The following USP32 variants were observed in gnomAD, a reference collection of about 807,000 sequenced individuals.
USP32 encodes ubiquitin carboxyl-terminal hydrolase 32.
A neutral mutation model predicts 204.8 loss-of-function variants in USP32; 59 were observed. The ratio of observed to expected loss-of-function variants is 0.29; its 90% CI spans 0.23 to 0.36. The LOEUF is 0.36. Among genes scored for constraint, USP32 ranks in the 10% least tolerant of loss-of-function variants. The pLI is 1.00. For missense variants in USP32, 1,160 were observed against 1,946.4 expected (o/e 0.60, Z 7.60); for synonymous variants, 517 against 678.4 (o/e 0.76, Z 3.70).
chr17:60,239,995 A>AT (rs1473491880), intron 11 of USP32, among the ~76,000 whole-genome samples: 2 of 152,198 alleles, frequency 1.3e-5, no homozygotes, highest in Non-Finnish European at 2.9e-5. Flanking sequence ...TTGGCCTCCC[A>AT]AAGTGCTGGG....
intron 22 of USP32, 59 bp from the exon 23 acceptor site, chr17:60,208,887 T>C: frequency 1.4e-6 from 2 of 1,474,980 alleles, no homozygotes; most frequent in Admixed American, 4.9e-5. Context: ...CATTTCTATA[T>C]AAATTCAAAG....
intron 1 of USP32, among the ~76,000 whole-genome samples, chr17:60,391,340 A>C (rs1272325409): frequency 6.6e-6 from 1 of 152,206 alleles, no homozygotes; most frequent in Admixed American, 6.5e-5. Context: ...GGGTGGCAGA[A>C]GCGGATGGCC....
chr17:60,255,773 T>G (rs182004835), intron 9 of USP32, among the ~76,000 whole-genome samples: 1 of 152,152 alleles, frequency 6.6e-6, no homozygotes, highest in Non-Finnish European at 1.5e-5. Context: ...GTTGGTAAAA[T>G]TCACTAAATA....
chr17:60,420,068 T>A (rs910076096), intron 1 of USP32, among the ~76,000 whole-genome samples: 13 of 139,566 alleles, frequency 9.3e-5, no homozygotes, highest in East Asian at 2.0e-4. Context: ...TTATTTATTT[T>A]GTTTATTTTA....
At chr17:60,340,677 T>C (rs2088635697) in intron 2 of USP32, among the ~76,000 whole-genome samples, 1 of 152,196 alleles carries the variant, frequency 6.6e-6, no homozygotes, top group South Asian at 2.1e-4. Flanking sequence ...ACATTTAAGG[T>C]TAATATTGTT....
chr17:60,326,914 T>A (rs899177404), intron 2 of USP32, among the ~76,000 whole-genome samples: 1 of 152,142 alleles, frequency 6.6e-6, no homozygotes, highest in South Asian at 2.1e-4. Flanking sequence ...CTTACGTAGA[T>A]GCTAAAAAAG....
intron 1 of USP32, 125 bp downstream of exon 1, chr17:60,391,757 C>A (rs1484427896): frequency 1.9e-6 from 2 of 1,080,422 alleles, no homozygotes; most frequent in East Asian, 2.8e-5. Flanking sequence ...CCAAGGCCGG[C>A]CGCCTTTCCC....
chr17:60,245,335 G>T, intron 11 of USP32: 1 of 365,054 alleles, frequency 2.7e-6, no homozygotes, highest in Non-Finnish European at 5.4e-6. Flanking sequence ...GACTCTGATG[G>T]CCAGCTGGGC....
rs1192801997 is a variant in USP32, at chr17:60,183,190, G to A, written c.4098C>T (p.Ser1366=). ...VLLSKSPSSL[S]ANIISSPKGS... is the part of the protein sequence containing the mutation. The stretch of plus-strand genomic sequence containing the variant: ...CTTTCGGGCTGCTGATGATGTTAGC[G>A]CTGAGTGAGGATGGGCTTTTGCTCA... The change falls in exon 31 of 34, where the codon AGC becomes AGT. Residue 1366 remains serine, a synonymous_variant. Transcript: ENST00000300896. The A allele has an allele frequency of 6.2e-6, 10 of 1,613,744 alleles. No homozygotes were observed. The highest frequency in any genetic ancestry group is 2.2e-5 in the East Asian group (1 of 44,886).
intron 15 of USP32, among the ~76,000 whole-genome samples, chr17:60,220,062 C>T (rs1439325426): frequency 1.3e-5 from 2 of 151,530 alleles, no homozygotes; most frequent in Admixed American, 6.6e-5. Context: ...AAAAAAAAAC[C>T]CTAAGTATTA....
At chr17:60,396,171 G>A (rs1200793300), upstream of USP32, among the ~76,000 whole-genome samples, 6 of 141,806 alleles carry the variant, frequency 4.2e-5, no homozygotes, top group Non-Finnish European at 6.0e-5. Flanking sequence ...TTTACCTGCC[G>A]GACTCAAGCA....
intron 16 of USP32, among the ~76,000 whole-genome samples, chr17:60,215,689 T>TA (rs952981729): frequency 2.7e-5 from 4 of 150,792 alleles, no homozygotes; most frequent in Admixed American, 6.6e-5. Flanking sequence ...ACATATCAAT[T>TA]AAAAAAAAAG....
At chr17:60,385,010 C>T (rs9899829) in intron 1 of USP32, among the ~76,000 whole-genome samples, 18,477 of 152,186 alleles carry the variant, frequency 0.12, 2,266 homozygotes, top group African/African-American at 0.31. Flanking sequence ...ATCACATCCC[C>T]TGTGACCTGC....
intron 1 of USP32, among the ~76,000 whole-genome samples, chr17:60,361,484 C>T (rs2089205713): frequency 6.6e-6 from 1 of 152,066 alleles, no homozygotes; most frequent in African/African-American, 2.4e-5. Context: ...CATGAAAAAC[C>T]ATATACATGC....
Position 60,322,901 on chromosome 17 carries a change from A to G in USP32, c.187-21197T>C, listed in dbSNP as rs532580503. ...AGATTTACTAGTCCATTTGATCAAG[A>G]AATTTGAACATCTGGAGATCAGGAA... On this transcript the variant is annotated intron_variant, in intron 2 of 33. Coordinates refer to ENST00000300896, the MANE Select transcript of USP32 (RefSeq NM_032582.4). Among the ~76,000 whole-genome samples, 4 of 152,332 alleles carry G rather than the reference A, an allele frequency of 2.6e-5. No homozygotes were observed. In the East Asian group the frequency reaches 7.7e-4, roughly 29 times the overall value.
chr17:60,184,666 G>A (rs2084202630), intron 30 of USP32, among the ~76,000 whole-genome samples: 1 of 151,940 alleles, frequency 6.6e-6, no homozygotes, highest in South Asian at 2.1e-4. Context: ...AAAATTAGCC[G>A]GGTGGTAGTG....
At chr17:60,214,807 G>C (rs1212413786) in intron 16 of USP32, 33 bp from the exon 17 acceptor site, 3 of 1,613,118 alleles carry the variant, frequency 1.9e-6, no homozygotes, top group Non-Finnish European at 2.5e-6. Flanking sequence ...AAGAAAAAAG[G>C]CAGATGTGAA....
At chr17:60,256,717 C>CAGAA (rs2086317066) in intron 9 of USP32, 6 of 1,138,364 alleles carry the variant, frequency 5.3e-6, no homozygotes, top group Non-Finnish European at 6.5e-6. Flanking sequence ...GCCTGCACCA[C>CAGAA]GGCAACAGAA....
At chr17:60,305,866 G>A (rs2087709914) in intron 2 of USP32, among the ~76,000 whole-genome samples, 1 of 152,120 alleles carries the variant, frequency 6.6e-6, no homozygotes, top group African/African-American at 2.4e-5. Context: ...GAATAAATTT[G>A]TTTGGAATAT....
Sources: allele counts gnomAD v4.1 joint callset (sites outside exome capture counted in the v4.1 genomes callset), GRCh38; gene constraint gnomAD v4.1.1; transcripts MANE v1.5; gene names NCBI Gene and HGNC (gene_info 2026-07-23, HGNC 2026-07-21).